Variants in CADM1 observed in about 807,000 individuals in gnomAD.
CADM1 encodes the protein cell adhesion molecule 1.
CADM1 carries 15 observed loss-of-function variants against 53.1 expected under a neutral mutation model. That is an observed-to-expected ratio of 0.28 (90% CI 0.19 to 0.44). The LOEUF is 0.44. CADM1 is among the 20% of genes least tolerant of loss of function. The probability of loss-of-function intolerance (pLI) is 1.00; values close to 1 mark genes in which losing one functional copy is unlikely to be tolerated. For missense variants in CADM1, 434 were observed against 611.3 expected, an observed-to-expected ratio of 0.71 and a Z score of 3.06; for synonymous variants, 281 against 243.0, an observed-to-expected ratio of 1.16 and a Z score of -1.45.
intron 1 of CADM1, chr11:115,256,894 G>GTT (rs1464367528): frequency 2.2e-6 from 1 of 456,010 alleles, no homozygotes; most frequent in East Asian, 6.9e-5. Flanking sequence ...TTTCTGCTGG[G>GTT]TTACTAAGTG....
chr11:115,453,425 C>T (rs988550082), intron 1 of CADM1, among the ~76,000 whole-genome samples: 2 of 151,846 alleles, frequency 1.3e-5, no homozygotes, highest in African/African-American at 4.8e-5. Flanking sequence ...AACAGCAGCA[C>T]TTATCACGGG....
intron 1 of CADM1, among the ~76,000 whole-genome samples, chr11:115,245,945 C>G (rs1329110162): frequency 6.6e-6 from 1 of 152,154 alleles, no homozygotes; most frequent in Non-Finnish European, 1.5e-5. Context: ...ATAAGAATTA[C>G]AGTAAAAGTA....
chr11:115,198,780 T>C (rs961035314), intron 8 of CADM1, among the ~76,000 whole-genome samples: 1 of 152,170 alleles, frequency 6.6e-6, no homozygotes, highest in Non-Finnish European at 1.5e-5. Flanking sequence ...AGATGGCTCT[T>C]AAAGCATCAA....
intron 1 of CADM1, 99 bp downstream of exon 1, chr11:115,504,172 G>T: frequency 1.3e-6 from 2 of 1,500,490 alleles, no homozygotes; most frequent in South Asian, 1.2e-5. Context: ...TGTAGGAAGT[G>T]GGGGGAGGTT....
chr11:115,215,026 G>A (rs61544839), intron 6 of CADM1, among the ~76,000 whole-genome samples: 9,298 of 152,148 alleles, frequency 0.061, 695 homozygotes, highest in African/African-American at 0.18. Flanking sequence ...ATTCATGTTC[G>A]ACAAATCAAC....
At chr11:115,419,878 T>A (rs1051277877) in intron 1 of CADM1, among the ~76,000 whole-genome samples, 5 of 152,196 alleles carry the variant, frequency 3.3e-5, no homozygotes, top group African/African-American at 1.2e-4. Flanking sequence ...GCCACTTTCA[T>A]CTTGACTGTG....
intron 3 of CADM1, among the ~76,000 whole-genome samples, chr11:115,232,630 G>T (rs1393218315): frequency 6.6e-6 from 1 of 152,156 alleles, no homozygotes; most frequent in Admixed American, 6.5e-5. Context: ...ATCAAATCAA[G>T]AGTATGTAGT....
intron 1 of CADM1, among the ~76,000 whole-genome samples, chr11:115,385,620 G>T (rs1452999159): frequency 1.4e-5 from 2 of 138,102 alleles, no homozygotes; most frequent in South Asian, 2.5e-4. Context: ...ACAAGAAAAT[G>T]TAAAGGATTA....
At chr11:115,319,609 C>T (rs963386779) in intron 1 of CADM1, among the ~76,000 whole-genome samples, 11 of 152,100 alleles carry the variant, frequency 7.2e-5, no homozygotes, top group South Asian at 2.1e-4. Context: ...AACAGTCACA[C>T]GGCTAATAAG....
chr11:115,455,142 G>A (rs1166752586), intron 1 of CADM1, among the ~76,000 whole-genome samples: 1 of 152,048 alleles, frequency 6.6e-6, no homozygotes, highest in Non-Finnish European at 1.5e-5. Flanking sequence ...TCAGATTCTT[G>A]TTATTAACAT....
chr11:115,328,522 T>C (rs1945019129), intron 1 of CADM1, among the ~76,000 whole-genome samples: 1 of 150,692 alleles, frequency 6.6e-6, no homozygotes, highest in Non-Finnish European at 1.5e-5. Flanking sequence ...CACATACTTT[T>C]TGCAAAAAGA....
chr11:115,286,645 C>T (rs1044751234), intron 1 of CADM1, among the ~76,000 whole-genome samples: 1 of 152,200 alleles, frequency 6.6e-6, no homozygotes, highest in Non-Finnish European at 1.5e-5. Context: ...CTAGTTGAAA[C>T]AGAACCCAAC....
intron 1 of CADM1, among the ~76,000 whole-genome samples, chr11:115,264,783 C>T (rs933839792): frequency 3.3e-5 from 5 of 152,184 alleles, no homozygotes; most frequent in African/African-American, 1.2e-4. Flanking sequence ...TGCTGTTTGA[C>T]ATTATAAGGA....
rs75802404 is a variant in CADM1, at chr11:115,491,215, C to T, written c.124+13056G>A. On this transcript the variant is annotated intron_variant, in intron 1 of 11. Coordinates refer to ENST00000331581, the MANE Select transcript of CADM1 (RefSeq NM_001301043.2). ...GCATGGTTATTAAATATCAGAGACA[C>T]GTTATATTGTATGAAAAGGGCAATC... Among the ~76,000 whole-genome samples, 1,264 of 152,030 alleles carry T rather than the reference C, an allele frequency of 8.3e-3. 15 individuals are homozygous for T. The highest frequency in any genetic ancestry group is 0.027 in the African/African-American group (1,111 of 41,458).
chr11:115,229,080 TAC>T, intron 5 of CADM1, 31 bp downstream of exon 5: 1 of 1,611,568 alleles, frequency 6.2e-7, no homozygotes. Context: ...ACTGCAACTC[TAC>T]GCCCTCAGAA....
chr11:115,186,809 A>C (rs1939577676), intron 10 of CADM1, among the ~76,000 whole-genome samples: 1 of 151,874 alleles, frequency 6.6e-6, no homozygotes, highest in Non-Finnish European at 1.5e-5. Context: ...CTTCCACTTT[A>C]TCCGGTTTTA....
At chr11:115,333,949 C>T (rs566577664) in intron 1 of CADM1, among the ~76,000 whole-genome samples, 8 of 152,084 alleles carry the variant, frequency 5.3e-5, no homozygotes, top group South Asian at 4.1e-4. Context: ...TGAATGAAAA[C>T]GAAGTGAGGT....
intron 1 of CADM1, among the ~76,000 whole-genome samples, chr11:115,313,523 C>G (rs1489335207): frequency 6.6e-6 from 1 of 152,108 alleles, no homozygotes; most frequent in Non-Finnish European, 1.5e-5. Flanking sequence ...AGTCTAAGAT[C>G]AACTAGCTTT....
intron 1 of CADM1, among the ~76,000 whole-genome samples, chr11:115,385,566 T>C (rs1262955699): frequency 1.3e-5 from 2 of 149,168 alleles, no homozygotes; most frequent in Non-Finnish European, 3.0e-5. Context: ...TTGGAATGTA[T>C]ACAAAGTCTG....
Sources: gnomAD v4.1 joint callset for allele counts (sites outside exome capture counted in the v4.1 genomes callset) on GRCh38, gnomAD v4.1.1 for gene constraint, MANE v1.5 for transcripts, NCBI Gene and HGNC (gene_info 2026-07-23, HGNC 2026-07-21) for gene names.